The following CDH13 variants were observed in gnomAD, a reference collection of about 807,000 sequenced individuals.
CDH13 encodes cadherin-13.
Under a neutral mutation model 63.8 loss-of-function variants are expected in CDH13, and 24 were observed. The observed-to-expected ratio is 0.38, with a 90% confidence interval of 0.27 to 0.53. The LOEUF is 0.53. Ranked by LOEUF, CDH13 falls within the 20% of genes least tolerant of loss-of-function variation. The pLI, the probability that CDH13 is intolerant of heterozygous loss-of-function variation, is 0.85. For synonymous variants in CDH13, 503 were observed against 355.3 expected, an observed-to-expected ratio of 1.42 and a Z score of -4.67; for missense variants, 1,049 against 903.1, an observed-to-expected ratio of 1.16 and a Z score of -2.07.
In CDH13 at chr16:83,032,353, C is replaced by T. The variant is rs1916443251; in HGVS notation, c.366+135C>T. ...TATTGTTGTTGCAAATGACAGAAAT[C>T]CAACTCTAAAAATGTAGATGAGGGG... On this transcript the variant is annotated intron_variant, in intron 3 of 13. Transcript: ENST00000567109. 4.1e-5 allele frequency: 29 copies of T among 700,306 alleles called. No individual in the cohort carries two copies. In the South Asian group the frequency reaches 5.9e-4, roughly 14 times the overall value. 43.4% of individuals were successfully genotyped at this position (700,306 alleles called of 1,614,324 possible).
intron 1 of CDH13, among the ~76,000 whole-genome samples, chr16:82,698,430 G>T (rs1425865595): frequency 6.6e-6 from 1 of 152,210 alleles, no homozygotes; most frequent in South Asian, 2.1e-4. Context: ...CAAAACCTTG[G>T]TAGTATATTA....
At chr16:82,793,271 A>C (rs1215604189) in intron 1 of CDH13, among the ~76,000 whole-genome samples, 1 of 152,142 alleles carries the variant, frequency 6.6e-6, no homozygotes, top group African/African-American at 2.4e-5. Flanking sequence ...GTGTGCAGAC[A>C]TTGTGGATCT....
Position 83,188,323 on chromosome 16 carries a change from G to C in CDH13, c.484-29022G>C, listed in dbSNP as rs531981376. On this transcript the variant is annotated intron_variant, in intron 4 of 13. Transcript: ENST00000567109. The stretch of plus-strand genomic sequence containing the variant: ...CCAGAGCAATGGTGGTGGAAGGGGA[G>C]AGGCGTGGTTATGGCCGTATTCTGG... 3.3e-5 allele frequency among the ~76,000 whole-genome samples: 5 copies of C among 152,352 alleles called. No individual in the cohort carries two copies. The South Asian group carries it at 6.2e-4, about 19-fold the overall frequency.
At position 83,329,418 on chromosome 16, in the gene CDH13, G is replaced by A. The variant is rs548894211; in HGVS notation, c.637-15444G>A. Among the ~76,000 whole-genome samples, 339 of 144,030 alleles carry A rather than the reference G, an allele frequency of 2.4e-3. 2 individuals carry two copies. Among genetic ancestry groups the A allele is most frequent in the Admixed American group, 4.2e-3 (61 of 14,364 alleles). 94.5% of individuals were successfully genotyped at this position (144,030 alleles called of 152,430 possible). A position where few individuals can be genotyped will look rare whatever the true frequency, so the allele number is the denominator to read the frequency against. On this transcript the variant is annotated intron_variant, in intron 5 of 13. Transcript: ENST00000567109. Reference sequence around the variant, plus strand: ...TTTTTGTATTTTTTTTTTTTTTTTAGTAGAGATGGGGTTTCGCCATGTTGG... The same window carrying A: ...TTTTTGTATTTTTTTTTTTTTTTTAATAGAGATGGGGTTTCGCCATGTTGG...
chr16:83,228,072 T>G (rs574576018), intron 5 of CDH13, among the ~76,000 whole-genome samples: 1 of 152,266 alleles, frequency 6.6e-6, no homozygotes, highest in Non-Finnish European at 1.5e-5. Flanking sequence ...GGAGGGGCCG[T>G]GAGAAGGGAG....
chr16:83,508,609 C>A (rs2074479854), intron 7 of CDH13, among the ~76,000 whole-genome samples: 1 of 152,190 alleles, frequency 6.6e-6, no homozygotes, highest in Non-Finnish European at 1.5e-5. Flanking sequence ...TGGAATAGGA[C>A]AACTTCGAGA....
At chr16:83,742,151 G>A (rs1172035942) in intron 10 of CDH13, among the ~76,000 whole-genome samples, 3 of 152,228 alleles carry the variant, frequency 2.0e-5, no homozygotes, top group Non-Finnish European at 4.4e-5. Flanking sequence ...GCAGCCCTTG[G>A]CTCTGGAAGT....
chr16:83,693,785 T>C (rs1001723525), intron 10 of CDH13, among the ~76,000 whole-genome samples: 2 of 152,256 alleles, frequency 1.3e-5, no homozygotes, highest in Admixed American at 6.5e-5. Context: ...TTTCTGCTAG[T>C]AAAACTGTTC....
intron 7 of CDH13, among the ~76,000 whole-genome samples, chr16:83,532,034 C>G (rs547390754): frequency 9.9e-5 from 15 of 152,246 alleles, no homozygotes; most frequent in Admixed American, 2.6e-4. Flanking sequence ...CTGTGCTATG[C>G]TTGTGATAGT....
At chr16:83,039,771 A>C (rs1393649792) in intron 3 of CDH13, among the ~76,000 whole-genome samples, 1 of 151,728 alleles carries the variant, frequency 6.6e-6, no homozygotes, top group Non-Finnish European at 1.5e-5. Context: ...ATACCAAATC[A>C]CTTGTGGTTT....
intron 7 of CDH13, among the ~76,000 whole-genome samples, chr16:83,545,393 A>C (rs942723933): frequency 2.6e-5 from 4 of 152,252 alleles, no homozygotes; most frequent in Non-Finnish European, 5.9e-5. Context: ...TTTTCACCGT[A>C]ACCAGCTTCA....
intron 6 of CDH13, among the ~76,000 whole-genome samples, chr16:83,443,717 AAAAAAAAAAAAAAAAAAAATAT>A (rs71148837): frequency 0.14 from 14,085 of 97,694 alleles, 809 homozygotes; most frequent in Non-Finnish European, 0.16. Flanking sequence ...AAAAAAAAAA[AAAAAAAAAAAAAAAAAAAATAT>A]ATATATATAT....
At chr16:82,686,469 A>G (rs1050223052) in intron 1 of CDH13, among the ~76,000 whole-genome samples, 1 of 152,204 alleles carries the variant, frequency 6.6e-6, no homozygotes, top group Non-Finnish European at 1.5e-5. Flanking sequence ...GAGAGGAACT[A>G]AAGAATGCAG....
intron 7 of CDH13, among the ~76,000 whole-genome samples, chr16:83,578,709 C>T (rs1481475715): frequency 6.6e-6 from 1 of 152,198 alleles, no homozygotes; most frequent in East Asian, 1.9e-4. Flanking sequence ...TCTCCAACTT[C>T]AAACACCTTA....
intron 13 of CDH13, among the ~76,000 whole-genome samples, chr16:83,794,297 A>AC (rs760683860): frequency 1.2e-4 from 18 of 152,290 alleles, no homozygotes; most frequent in Middle Eastern, 6.8e-3. Flanking sequence ...TGAGCCTATA[A>AC]CCCCCAGCAC....
intron 2 of CDH13, among the ~76,000 whole-genome samples, chr16:83,026,782 C>G (rs573571232): frequency 6.6e-6 from 1 of 152,276 alleles, no homozygotes; most frequent in South Asian, 2.1e-4. Context: ...TGTTGTCTGT[C>G]CAAGCATCAC....
At chr16:82,930,995 A>C (rs1256967901) in intron 2 of CDH13, among the ~76,000 whole-genome samples, 2 of 152,254 alleles carry the variant, frequency 1.3e-5, no homozygotes, top group Non-Finnish European at 2.9e-5. Flanking sequence ...ACAGGACAGA[A>C]AAGTTCTGTT....
chr16:83,263,261 A>G (rs541786148), intron 5 of CDH13, among the ~76,000 whole-genome samples: 3 of 152,368 alleles, frequency 2.0e-5, no homozygotes, highest in African/African-American at 7.2e-5. Flanking sequence ...ACCTTTTTGT[A>G]CAAAACATCC....
intron 3 of CDH13, among the ~76,000 whole-genome samples, chr16:83,043,460 T>G (rs1173891960): frequency 6.6e-6 from 1 of 151,794 alleles, no homozygotes; most frequent in Non-Finnish European, 1.5e-5. Flanking sequence ...GAAATTAACT[T>G]TAATAATTTA....
Sources: gnomAD v4.1 joint callset for allele counts (sites outside exome capture counted in the v4.1 genomes callset) on GRCh38, gnomAD v4.1.1 for gene constraint, MANE v1.5 for transcripts, NCBI Gene and HGNC (gene_info 2026-07-23, HGNC 2026-07-21) for gene names.